The following NELL1 variants were observed in gnomAD, a reference collection of about 807,000 sequenced individuals.
NELL1 encodes protein kinase C-binding protein NELL1.
NELL1 carries 76 observed loss-of-function variants against 107.4 expected under a neutral mutation model. The ratio of observed to expected loss-of-function variants is 0.71; its 90% CI spans 0.59 to 0.86. NELL1 has a LOEUF of 0.86. Ranked by LOEUF, NELL1 falls within the 40% of genes least tolerant of loss-of-function variation. The probability of loss-of-function intolerance (pLI) is 0.00; values close to 1 mark genes in which losing one functional copy is unlikely to be tolerated. For missense variants in NELL1, 1,024 were observed against 1,005.5 expected (o/e 1.02, Z -0.25); for synonymous variants, 353 against 341.2 (o/e 1.03, Z -0.38).
At chr11:20,727,757 T>C (rs1330043872) in intron 2 of NELL1, among the ~76,000 whole-genome samples, 1 of 152,226 alleles carries the variant, frequency 6.6e-6, no homozygotes, top group Non-Finnish European at 1.5e-5. Context: ...TTAATCCATC[T>C]TGAATTAATT....
At chr11:20,790,195 C>T (rs1194750766) in intron 3 of NELL1, among the ~76,000 whole-genome samples, 1 of 152,216 alleles carries the variant, frequency 6.6e-6, no homozygotes, top group Non-Finnish European at 1.5e-5. Context: ...CTGTCTACCT[C>T]CTGCTGACAT....
intron 14 of NELL1, among the ~76,000 whole-genome samples, chr11:21,324,670 C>CT (rs1456298291): frequency 6.6e-6 from 1 of 152,008 alleles, no homozygotes; most frequent in African/African-American, 2.4e-5. Context: ...TCTCAAGCAC[C>CT]TTACCGTTCA....
intron 12 of NELL1, among the ~76,000 whole-genome samples, chr11:21,045,152 G>C (rs972749053): frequency 6.6e-6 from 1 of 152,114 alleles, no homozygotes; most frequent in African/African-American, 2.4e-5. Context: ...TTAACGGATT[G>C]GTATCCTCTA....
intron 14 of NELL1, among the ~76,000 whole-genome samples, chr11:21,264,071 G>GGGGTGTGTGT (rs1554989861): frequency 1.4e-5 from 2 of 139,436 alleles, no homozygotes; most frequent in African/African-American, 2.7e-5. Flanking sequence ...TCTACAATGG[G>GGGGTGTGTGT]GTGTGTGTGT....
Position 20,795,186 on chromosome 11 carries a change from A to G in NELL1, c.335+11356A>G, listed in dbSNP as rs537788172. On this transcript the variant is annotated intron_variant, in intron 3 of 19. Transcript: ENST00000357134. ...GGAGTTTGTGTTTCTTTAAACGAGG[A>G]GTGAACTTCTTGGCAAAGCAGTATC... Among the ~76,000 whole-genome samples the G allele has an allele frequency of 1.4e-4, 21 of 152,318 alleles. No homozygotes were observed. The South Asian group carries it at 4.1e-3, about 30-fold the overall frequency.
At chr11:21,437,597 G>T (rs765169090) in intron 15 of NELL1, among the ~76,000 whole-genome samples, 19 of 152,254 alleles carry the variant, frequency 1.2e-4, no homozygotes, top group African/African-American at 4.3e-4. Context: ...GACCTCAATT[G>T]ATCCCCTCAC....
chr11:20,917,959 C>A (rs572356479), intron 5 of NELL1, among the ~76,000 whole-genome samples: 1 of 151,916 alleles, frequency 6.6e-6, no homozygotes, highest in African/African-American at 2.4e-5. Flanking sequence ...TTGGCATTAA[C>A]TAGTGGTAAC....
chr11:20,829,793 T>A (rs1338047539), intron 3 of NELL1, among the ~76,000 whole-genome samples: 1 of 151,886 alleles, frequency 6.6e-6, no homozygotes, highest in Non-Finnish European at 1.5e-5. Context: ...TTATTATTAT[T>A]TTTTTTTGGC....
chr11:21,430,933 T>G (rs1852949367), intron 15 of NELL1, among the ~76,000 whole-genome samples: 1 of 152,142 alleles, frequency 6.6e-6, no homozygotes, highest in African/African-American at 2.4e-5. Flanking sequence ...TTTATAATTA[T>G]GGTCTAGAAT....
intron 12 of NELL1, among the ~76,000 whole-genome samples, chr11:21,097,976 CA>C (rs201740361): frequency 0.021 from 2,703 of 126,144 alleles, 48 homozygotes; most frequent in African/African-American, 0.054. Flanking sequence ...CTCCCAACTC[CA>C]AAAAAAAAAA....
Position 21,275,809 on chromosome 11 carries a change from A to T in NELL1, c.1549+46355A>T, listed in dbSNP as rs555776235. 3.9e-5 allele frequency among the ~76,000 whole-genome samples: 6 copies of T among 152,372 alleles called. No homozygotes were observed. The East Asian group carries it at 7.7e-4, about 20-fold the overall frequency. On this transcript the variant is annotated intron_variant, in intron 14 of 19. Transcript: ENST00000357134. ...AACCAATGACAAAAACCATATGATT[A>T]TCTCAGTAGATGCAGAAAAGGCCTT...
At chr11:21,332,440 A>G (rs1345057149) in intron 14 of NELL1, among the ~76,000 whole-genome samples, 2 of 151,966 alleles carry the variant, frequency 1.3e-5, no homozygotes, top group African/African-American at 4.8e-5. Context: ...GCAGACACAA[A>G]GTTGAGGCAA....
intron 14 of NELL1, among the ~76,000 whole-genome samples, chr11:21,357,018 G>A (rs1850948979): frequency 1.3e-5 from 2 of 152,234 alleles, no homozygotes; most frequent in South Asian, 2.1e-4. Context: ...ATTCCATGCT[G>A]TATATATACC....
At chr11:20,864,790 C>T (rs994133506) in intron 4 of NELL1, among the ~76,000 whole-genome samples, 3 of 152,242 alleles carry the variant, frequency 2.0e-5, no homozygotes, top group Admixed American at 6.5e-5. Context: ...TCTCCTGATC[C>T]TGTCAGCTCT....
At chr11:21,024,502 A>T (rs1446873749) in intron 12 of NELL1, among the ~76,000 whole-genome samples, 1 of 152,056 alleles carries the variant, frequency 6.6e-6, no homozygotes, top group Non-Finnish European at 1.5e-5. Flanking sequence ...TATTGTTCAA[A>T]CTTCTTCTAT....
chr11:21,351,026 T>A (rs1284119039), intron 14 of NELL1, among the ~76,000 whole-genome samples: 1 of 152,048 alleles, frequency 6.6e-6, no homozygotes, highest in African/African-American at 2.4e-5. Flanking sequence ...ACTGGTATAA[T>A]TGGATTGGTA....
chr11:20,832,359 C>T (rs766619442), intron 3 of NELL1, among the ~76,000 whole-genome samples: 4 of 152,146 alleles, frequency 2.6e-5, no homozygotes, highest in Admixed American at 6.5e-5. Context: ...TGTTCTCTCG[C>T]GGTACTTATC....
intron 14 of NELL1, among the ~76,000 whole-genome samples, chr11:21,324,973 C>A (rs986220606): frequency 2.0e-5 from 3 of 152,154 alleles, no homozygotes; most frequent in East Asian, 3.9e-4. Flanking sequence ...TTTCCAACCT[C>A]CCCCCATCTT....
intron 14 of NELL1, among the ~76,000 whole-genome samples, chr11:21,315,373 A>G (rs934812795): frequency 2.0e-5 from 3 of 152,178 alleles, no homozygotes; most frequent in Non-Finnish European, 4.4e-5. Flanking sequence ...CAGTTAAGAC[A>G]CAAGGGTCGA....
Sources: gnomAD v4.1 joint callset for allele counts (sites outside exome capture counted in the v4.1 genomes callset) on GRCh38, gnomAD v4.1.1 for gene constraint, MANE v1.5 for transcripts, NCBI Gene and HGNC (gene_info 2026-07-23, HGNC 2026-07-21) for gene names.